DLGAP2: variants seen among roughly 807,000 people sequenced by gnomAD.
DLGAP2 encodes the protein disks large-associated protein 2.
In DLGAP2, 26 loss-of-function variants were observed where a neutral mutation model predicts 100.3. That is an observed-to-expected ratio of 0.26 (90% CI 0.19 to 0.36). The LOEUF is 0.36. Ranked by LOEUF, DLGAP2 falls within the 10% of genes least tolerant of loss-of-function variation. The probability of loss-of-function intolerance (pLI) is 1.00; values close to 1 mark genes in which losing one functional copy is unlikely to be tolerated. For synonymous variants in DLGAP2, 886 were observed against 630.1 expected, an observed-to-expected ratio of 1.41 and a Z score of -6.08; for missense variants, 1,858 against 1,453.2, an observed-to-expected ratio of 1.28 and a Z score of -4.53.
intron 6 of DLGAP2, among the ~76,000 whole-genome samples, chr8:1,582,935 G>A (rs1285226994): frequency 1.3e-5 from 2 of 152,182 alleles, no homozygotes; most frequent in Non-Finnish European, 2.9e-5. Context: ...AGGGAGGGCT[G>A]CATGTCTCGG....
intron 3 of DLGAP2, among the ~76,000 whole-genome samples, chr8:1,488,996 C>A (rs760735845): frequency 6.6e-6 from 1 of 152,198 alleles, no homozygotes; most frequent in African/African-American, 2.4e-5. Context: ...CCCACAGACT[C>A]AACTCGCATT....
intron 2 of DLGAP2, among the ~76,000 whole-genome samples, chr8:1,182,751 G>A (rs1797417584): frequency 1.3e-5 from 2 of 152,204 alleles, no homozygotes; most frequent in South Asian, 4.1e-4. Flanking sequence ...ATTCTGCAGA[G>A]CTCACACTAT....
At chr8:1,287,494 GT>G (rs1799955150) in intron 3 of DLGAP2, among the ~76,000 whole-genome samples, 2 of 41,470 alleles carry the variant, frequency 4.8e-5, no homozygotes, top group South Asian at 6.6e-4. Context: ...GTGTGTGTGT[GT>G]GGTTCTGTTA....
intron 6 of DLGAP2, among the ~76,000 whole-genome samples, chr8:1,623,170 C>T (rs750445807): frequency 6.6e-6 from 1 of 152,228 alleles, no homozygotes; most frequent in Non-Finnish European, 1.5e-5. Flanking sequence ...GGATCTTTGG[C>T]TCTGTGGTCC....
At chr8:1,185,402 A>T (rs1563238428) in intron 2 of DLGAP2, among the ~76,000 whole-genome samples, 1 of 151,988 alleles carries the variant, frequency 6.6e-6, no homozygotes, top group Non-Finnish European at 1.5e-5. Context: ...GTACAAGGTG[A>T]CCCCTAAGGC....
intron 3 of DLGAP2, among the ~76,000 whole-genome samples, chr8:1,359,823 G>A (rs752365697): frequency 5.3e-5 from 8 of 152,216 alleles, no homozygotes; most frequent in Non-Finnish European, 1.0e-4. Context: ...TCTCCTTAGG[G>A]TTTCTGTCAC....
intron 2 of DLGAP2, among the ~76,000 whole-genome samples, chr8:965,675 C>G (rs1799847153): frequency 7.0e-6 from 1 of 141,934 alleles, no homozygotes; most frequent in Admixed American, 6.9e-5. Context: ...CCGCACTGCA[C>G]ACGGCACTGT....
intron 8 of DLGAP2, among the ~76,000 whole-genome samples, chr8:1,649,066 G>A (rs1798106009): frequency 6.6e-6 from 1 of 152,152 alleles, no homozygotes; most frequent in Admixed American, 6.6e-5. Flanking sequence ...TGCCTGTGAC[G>A]CTTCAAAATT....
intron 13 of DLGAP2, among the ~76,000 whole-genome samples, chr8:1,695,485 G>T (rs1799371712): frequency 6.8e-6 from 1 of 147,902 alleles, no homozygotes. Context: ...CAGAAAGAGG[G>T]GGCACAGCCA....
At chr8:1,646,362 G>T (rs1470387826) in intron 8 of DLGAP2, among the ~76,000 whole-genome samples, 2 of 152,054 alleles carry the variant, frequency 1.3e-5, no homozygotes, top group Non-Finnish European at 2.9e-5. Context: ...CTCTTTCTCT[G>T]TATGTATTCA....
chr8:844,590 C>T (rs1797040599), intron 1 of DLGAP2, among the ~76,000 whole-genome samples: 1 of 152,208 alleles, frequency 6.6e-6, no homozygotes, highest in South Asian at 2.1e-4. Flanking sequence ...ACCCCCTTCC[C>T]AGCCATGCTG....
Position 1,626,889 on chromosome 8 carries a change from T to C in DLGAP2, c.1590+2T>C. On this transcript the variant is annotated splice_donor_variant, in intron 7 of 14. Coordinates refer to ENST00000637795, the MANE Select transcript of DLGAP2 (RefSeq NM_001346810.2). LOFTEE classifies it high-confidence loss of function. ...AGCCAGGCCAGCTGCGTGAGCCAGG[T>C]CAGGGTCCCTTCGCCCTTTCTCCCT... The C allele has an allele frequency of 6.3e-7, 1 of 1,592,402 alleles. No homozygotes were observed. Among genetic ancestry groups the C allele is most frequent in the South Asian group, 1.2e-5 (1 of 86,860 alleles).
intron 2 of DLGAP2, among the ~76,000 whole-genome samples, chr8:928,994 C>A (rs1264853909): frequency 1.6e-5 from 2 of 126,592 alleles, no homozygotes; most frequent in South Asian, 2.9e-4. Flanking sequence ...CTCTAAACAT[C>A]CCAGACCCCC....
At chr8:804,142 G>T (rs74401529) in intron 1 of DLGAP2, among the ~76,000 whole-genome samples, 3 of 152,110 alleles carry the variant, frequency 2.0e-5, no homozygotes, top group Admixed American at 6.6e-5. Context: ...TCATTGTGGA[G>T]ATCTTTAAAA....
intron 2 of DLGAP2, among the ~76,000 whole-genome samples, chr8:969,446 C>T (rs1584933854): frequency 6.6e-6 from 1 of 152,022 alleles, no homozygotes; most frequent in East Asian, 1.9e-4. Flanking sequence ...CAAACCAGTG[C>T]AGGTTTGTAG....
chr8:754,421 C>G (rs1274398288), intron 1 of DLGAP2, among the ~76,000 whole-genome samples: 3 of 152,208 alleles, frequency 2.0e-5, no homozygotes, highest in African/African-American at 7.2e-5. Context: ...GTTTTACCTG[C>G]CTTCCTCTGT....
intron 14 of DLGAP2, among the ~76,000 whole-genome samples, chr8:1,697,757 G>T (rs1352007242): frequency 6.6e-6 from 1 of 152,162 alleles, no homozygotes; most frequent in African/African-American, 2.4e-5. Context: ...GCCACTATAG[G>T]CAAGGCGACA....
chr8:1,283,548 G>A (rs760953799), intron 3 of DLGAP2, among the ~76,000 whole-genome samples: 2 of 152,166 alleles, frequency 1.3e-5, no homozygotes, highest in African/African-American at 2.4e-5. Context: ...CTTGGCACTC[G>A]GCTTTGCTTC....
At chr8:1,133,834 T>G (rs1004752537) in intron 2 of DLGAP2, among the ~76,000 whole-genome samples, 2 of 152,224 alleles carry the variant, frequency 1.3e-5, no homozygotes, top group South Asian at 4.1e-4. Context: ...AAAATCCGTA[T>G]TGGGAATTGA....
Sources: allele counts gnomAD v4.1 joint callset (sites outside exome capture counted in the v4.1 genomes callset), GRCh38; gene constraint gnomAD v4.1.1; transcripts MANE v1.5; gene names NCBI Gene and HGNC (gene_info 2026-07-23, HGNC 2026-07-21).